The following TNS3 variants were observed in gnomAD, a reference collection of about 807,000 sequenced individuals.
TNS3 encodes tensin 3, also known as tensin-3.
A neutral mutation model predicts 140.9 loss-of-function variants in TNS3; 45 were observed. The observed-to-expected ratio is 0.32, with a 90% CI of 0.25 to 0.41. The LOEUF (loss-of-function observed/expected upper bound fraction) is 0.41. Among genes scored for constraint, TNS3 ranks in the 10% least tolerant of loss-of-function variants. TNS3 has a pLI of 1.00. For synonymous variants in TNS3, 815 were observed against 788.4 expected (o/e 1.03, Z -0.56); for missense variants, 1,716 against 1,906.7 (o/e 0.90, Z 1.86).
intron 27 of TNS3, among the ~76,000 whole-genome samples, chr7:47,287,440 C>T (rs1051811433): frequency 6.6e-6 from 1 of 152,190 alleles, no homozygotes; most frequent in Non-Finnish European, 1.5e-5. Context: ...ACATGATCAT[C>T]TCAAAGAACA....
chr7:47,432,678 C>T (rs834595), intron 8 of TNS3, among the ~76,000 whole-genome samples: 61,312 of 152,026 alleles, frequency 0.4, 12,524 homozygotes, highest in Non-Finnish European at 0.42. Flanking sequence ...TTTCAACCAT[C>T]CAAACCTACC....
chr7:47,510,070 C>T (rs1449550175), intron 2 of TNS3, among the ~76,000 whole-genome samples: 1 of 152,224 alleles, frequency 6.6e-6, no homozygotes, highest in Non-Finnish European at 1.5e-5. Flanking sequence ...CCTATCTTCG[C>T]CTGTTTTACT....
intron 17 of TNS3, among the ~76,000 whole-genome samples, chr7:47,357,924 C>T (rs1562631727): frequency 6.6e-6 from 1 of 152,164 alleles, no homozygotes; most frequent in Non-Finnish European, 1.5e-5. Context: ...GCCAGCAATA[C>T]CCCATGTTTT....
intron 23 of TNS3, among the ~76,000 whole-genome samples, chr7:47,300,194 G>A (rs1229678704): frequency 1.3e-5 from 2 of 152,088 alleles, no homozygotes; most frequent in Non-Finnish European, 2.9e-5. Context: ...CCAAATAAAT[G>A]ACACCCAAGG....
chr7:47,368,240 G>C, intron 17 of TNS3, 125 bp downstream of exon 17: 1 of 1,027,798 alleles, frequency 9.7e-7, no homozygotes, highest in South Asian at 3.0e-5. Context: ...AGTTGAAACT[G>C]CAAGGGAAAT....
chr7:47,420,283 A>G (rs1794305402), intron 10 of TNS3, among the ~76,000 whole-genome samples: 4 of 152,172 alleles, frequency 2.6e-5, no homozygotes, highest in Admixed American at 2.6e-4. Context: ...AATGTGGGGT[A>G]ATGGTTCGGC....
At chr7:47,484,755 G>T (rs532094237) in intron 3 of TNS3, among the ~76,000 whole-genome samples, 1 of 152,288 alleles carries the variant, frequency 6.6e-6, no homozygotes, top group Non-Finnish European at 1.5e-5. Flanking sequence ...CCAGGTAAGG[G>T]AGTAAGGCAC....
chr7:47,447,318 G>C lies in TNS3; in HGVS notation c.-75-5263C>G, dbSNP rs73695332. 4.4e-3 allele frequency among the ~76,000 whole-genome samples: 675 copies of C among 152,200 alleles called. 4 individuals are homozygous for C. The highest frequency in any genetic ancestry group is 0.015 in the African/African-American group (638 of 41,532). Reference sequence around the variant, plus strand: ...AGATGGAGTCTTGCTCTGTTGCCCAGGACAGAGCACTTCCTAGTGTGTCAC... The same window carrying C: ...AGATGGAGTCTTGCTCTGTTGCCCACGACAGAGCACTTCCTAGTGTGTCAC... On this transcript the variant is annotated intron_variant, in intron 4 of 30. Transcript: ENST00000311160.
intron 4 of TNS3, among the ~76,000 whole-genome samples, chr7:47,464,695 C>A (rs964014892): frequency 1.3e-5 from 2 of 152,156 alleles, no homozygotes; most frequent in Non-Finnish European, 2.9e-5. Context: ...AGATGACACT[C>A]TGAGATCCAC....
intron 13 of TNS3, among the ~76,000 whole-genome samples, chr7:47,409,042 T>TA (rs1055637848): frequency 1.0e-4 from 15 of 148,108 alleles, no homozygotes; most frequent in Middle Eastern, 6.9e-3. Context: ...CACAAAACAT[T>TA]AAAAAAAAAG....
intron 4 of TNS3, chr7:47,453,072 A>G: frequency 1.0e-6 from 1 of 985,570 alleles, no homozygotes; most frequent in African/African-American, 1.7e-5. Flanking sequence ...CTGGGCATAA[A>G]GGAGGCAGCT....
chr7:47,449,258 G>C (rs1795902509), intron 4 of TNS3, among the ~76,000 whole-genome samples: 1 of 152,230 alleles, frequency 6.6e-6, no homozygotes, highest in African/African-American at 2.4e-5. Flanking sequence ...ATTAATGCTA[G>C]TGCGGCATTT....
Position 47,415,080 on chromosome 7 carries a change from T to C in TNS3, c.586+14A>G, listed in dbSNP as rs1282205183. The C allele has an allele frequency of 3.8e-6, 6 of 1,597,484 alleles. No individual in the cohort carries two copies. The highest frequency in any genetic ancestry group is 2.2e-5 in the South Asian group (2 of 89,600). Reference sequence around the variant, plus strand: ...CCAGCCAATCGCAGGTGCCACGTCATAGGGGACACTCACCTCCACCTGTGT... The same window carrying C: ...CCAGCCAATCGCAGGTGCCACGTCACAGGGGACACTCACCTCCACCTGTGT... On this transcript the variant is annotated intron_variant, in intron 11 of 30. Coordinates refer to ENST00000311160, the MANE Select transcript of TNS3 (RefSeq NM_022748.12).
At chr7:47,457,317 T>G (rs1357791482) in intron 4 of TNS3, among the ~76,000 whole-genome samples, 1 of 152,042 alleles carries the variant, frequency 6.6e-6, no homozygotes, top group East Asian at 1.9e-4. Flanking sequence ...GTGAGTGATC[T>G]CACTCAATTC....
At chr7:47,471,790 C>A (rs751505924) in intron 4 of TNS3, among the ~76,000 whole-genome samples, 1 of 152,324 alleles carries the variant, frequency 6.6e-6, no homozygotes, top group Admixed American at 6.5e-5. Context: ...CATGTCTTCA[C>A]CCAGATGAGG....
intron 20 of TNS3, among the ~76,000 whole-genome samples, chr7:47,307,860 T>C (rs535279866): frequency 1.2e-4 from 18 of 152,330 alleles, no homozygotes; most frequent in African/African-American, 4.3e-4. Context: ...TCCCTTATCA[T>C]ATATATGATT....
intron 20 of TNS3, among the ~76,000 whole-genome samples, chr7:47,309,614 A>G (rs1312554728): frequency 6.6e-6 from 1 of 152,242 alleles, no homozygotes; most frequent in Non-Finnish European, 1.5e-5. Context: ...CAAATGTTCA[A>G]TGTTATGGCT....
chr7:47,480,660 AACAC>A (rs10648170), intron 4 of TNS3, among the ~76,000 whole-genome samples: 2 of 151,732 alleles, frequency 1.3e-5, no homozygotes, highest in African/African-American at 4.8e-5. Flanking sequence ...ATCTGATTTG[AACAC>A]ACACACACAC....
chr7:47,361,226 A>AAGC (rs1304995077), intron 17 of TNS3, among the ~76,000 whole-genome samples: 1 of 149,388 alleles, frequency 6.7e-6, no homozygotes, highest in Non-Finnish European at 1.5e-5. Flanking sequence ...AAAAAAAAAC[A>AAGC]AGCAAGGGCC....
Sources: gnomAD v4.1 joint callset for allele counts (sites outside exome capture counted in the v4.1 genomes callset) on GRCh38, gnomAD v4.1.1 for gene constraint, MANE v1.5 for transcripts, NCBI Gene and HGNC (gene_info 2026-07-23, HGNC 2026-07-21) for gene names.